Variants in SNED1 observed in about 807,000 individuals in gnomAD.
The protein encoded by SNED1 is sushi, nidogen and EGF like domains 1.
A neutral mutation model predicts 166.7 loss-of-function variants in SNED1; 81 were observed. The ratio of observed to expected loss-of-function variants is 0.49; its 90% CI spans 0.41 to 0.58. The LOEUF is 0.58. Among genes scored for constraint, SNED1 ranks in the 20% least tolerant of loss-of-function variants. The pLI is 0.00. For synonymous variants in SNED1, 762 were observed against 822.0 expected, an observed-to-expected ratio of 0.93 and a Z score of 1.25; for missense variants, 1,604 against 2,000.2, an observed-to-expected ratio of 0.80 and a Z score of 3.78.
intron 8 of SNED1, among the ~76,000 whole-genome samples, chr2:241,046,353 C>T (rs769489558): frequency 6.6e-6 from 1 of 152,200 alleles, no homozygotes; most frequent in Admixed American, 6.5e-5. Flanking sequence ...AATCCATATA[C>T]AGATGTTTAT....
chr2:241,063,661 C>T lies in SNED1; in HGVS notation c.2446C>T (p.Arg816Trp), dbSNP rs374311632. ...CRNLPGAYVC[R>W]CPAGFVGVHC... is the part of the protein sequence containing the mutation. ...GAACCTCCCAGGGGCCTATGTCTGC[C>T]GGTGCCCTGCAGGCTTCGTTGGAGT... Residue 816 changes from arginine (R) to tryptophan (W), a missense_variant, in exon 18 of 32, where the codon CGG becomes TGG. Arg to Trp is a moderately radical substitution (Grantham distance 101). Around this residue, in one of 2 missense-constraint regions of SNED1, gnomAD observed 1,237 missense variants for 1,620.8 expected, o/e 0.76. Transcript: ENST00000310397. 218 of 1,611,942 alleles carry T rather than the reference C, an allele frequency of 1.4e-4. No individual in the cohort carries two copies. Among genetic ancestry groups the T allele is most frequent in the Middle Eastern group, 1.6e-4 (1 of 6,076 alleles).
chr2:241,009,504 G>A (rs906526628), intron 1 of SNED1, among the ~76,000 whole-genome samples: 3 of 152,166 alleles, frequency 2.0e-5, no homozygotes, highest in Non-Finnish European at 4.4e-5. Context: ...GGCTGGTGGA[G>A]AGGGAGAGGC....
intron 1 of SNED1, among the ~76,000 whole-genome samples, chr2:241,026,220 G>C (rs1357929747): frequency 6.6e-6 from 1 of 152,012 alleles, no homozygotes; most frequent in African/African-American, 2.4e-5. Context: ...GTTTCACCAT[G>C]TTGGTCAGGC....
intron 2 of SNED1, among the ~76,000 whole-genome samples, chr2:241,032,488 G>A (rs1220672769): frequency 6.7e-6 from 1 of 149,610 alleles, no homozygotes; most frequent in Non-Finnish European, 1.5e-5. Flanking sequence ...CTGTCGTGGG[G>A]TGGGGGGGTC....
chr2:241,089,010 G>T, intron 31 of SNED1: 1 of 308,110 alleles, frequency 3.2e-6, no homozygotes, highest in East Asian at 6.4e-5. Flanking sequence ...ACTTCCTCTC[G>T]CCTTTGTTTA....
rs1171480326 is a variant in SNED1, at chr2:241,062,779, C to T, written c.2258-12C>T. ...GGCCACATTGCTTTATTCTTGGGCT[C>T]TCTCCTCTCAGAAATCGATGAGTGC... On this transcript the variant is annotated splice_polypyrimidine_tract_variant and intron_variant, in intron 16 of 31. Transcript: ENST00000310397. 1.3e-6 allele frequency: 2 copies of T among 1,590,642 alleles called. No homozygotes were observed. Among genetic ancestry groups the T allele is most frequent in the East Asian group, 4.5e-5 (2 of 44,420 alleles).
chr2:241,090,500 AATT>A (rs1297789876), intron 31 of SNED1: 5 of 1,485,746 alleles, frequency 3.4e-6, no homozygotes, highest in Admixed American at 4.2e-5. Context: ...TAACATCACA[AATT>A]ATCATCAAGT....
In SNED1 at chr2:241,082,450, C is replaced by T. The variant is rs527609639; in HGVS notation, c.4121+86C>T. 33 of 988,906 alleles carry T rather than the reference C, an allele frequency of 3.3e-5. No homozygotes were observed. The African/African-American group carries it at 3.4e-4, about 10-fold the overall frequency. The allele number at this position is 988,906 out of a possible 1,614,324, so 61.3% of individuals were successfully genotyped here. A position where few individuals can be genotyped will look rare whatever the true frequency, so the allele number is the denominator to read the frequency against. ...TGCTGTCTCAAAGCTACCCAGCTAA[C>T]CCTGAGGAGGGACGATGGCTGCAGT... On this transcript the variant is annotated intron_variant, in intron 29 of 31. Coordinates refer to ENST00000310397, the MANE Select transcript of SNED1 (RefSeq NM_001080437.3).
chr2:241,062,924 C>T lies in SNED1; in HGVS notation c.2371+20C>T, dbSNP rs745905350. Reference sequence around the variant, plus strand: ...AGCTGGGTAAGAGGGGCCCTGGCCCCGCTGGGGTGACAGCTGCAGCACACT... The same window carrying T: ...AGCTGGGTAAGAGGGGCCCTGGCCCTGCTGGGGTGACAGCTGCAGCACACT... On this transcript the variant is annotated intron_variant, in intron 17 of 31. Coordinates refer to ENST00000310397, the MANE Select transcript of SNED1 (RefSeq NM_001080437.3). The T allele has an allele frequency of 1.9e-5, 28 of 1,487,258 alleles. No individual in the cohort carries two copies. Among genetic ancestry groups the T allele is most frequent in the East Asian group, 4.7e-5 (2 of 42,668 alleles). 92.1% of individuals were successfully genotyped at this position (1,487,258 alleles called of 1,614,324 possible). A position where few individuals can be genotyped will look rare whatever the true frequency, so the allele number is the denominator to read the frequency against.
upstream of SNED1, among the ~76,000 whole-genome samples, chr2:240,998,288 A>G (rs946550626): frequency 6.6e-6 from 1 of 152,254 alleles, no homozygotes; most frequent in African/African-American, 2.4e-5. Flanking sequence ...CTGCCTGGCC[A>G]GGGTCCCCTC....
chr2:241,090,010 C>T (rs1011084560), intron 31 of SNED1: 9 of 1,548,900 alleles, frequency 5.8e-6, no homozygotes, highest in South Asian at 3.6e-5. Flanking sequence ...AGCTGGAATG[C>T]GCAGGACTGG....
At chr2:241,038,409 G>A (rs1056975757) in intron 6 of SNED1, among the ~76,000 whole-genome samples, 6 of 152,220 alleles carry the variant, frequency 3.9e-5, no homozygotes. Flanking sequence ...TTTTGCACCT[G>A]AAAGTACATT....
chr2:241,071,718 C>T lies in SNED1; in HGVS notation c.3732C>T (p.Pro1244=). ...HSAPETPTQP[P]RFSELVDGRG... is the part of the protein sequence containing the mutation. The stretch of plus-strand genomic sequence containing the variant: ...CCCCCGAGACCCCCACCCAGCCCCC[C>T]AGGTACATGCCCCACCCATCGGCCC... Residue 1244 remains proline (P), a splice_region_variant and synonymous_variant, in exon 25 of 32, where the codon CCC becomes CCT. Coordinates refer to ENST00000310397, the MANE Select transcript of SNED1 (RefSeq NM_001080437.3). 1 of 1,503,692 alleles carries T rather than the reference C, an allele frequency of 6.7e-7. No homozygotes were observed. The highest frequency in any genetic ancestry group is 9.0e-7 in the Non-Finnish European group (1 of 1,112,836). The allele number at this position is 1,503,692 out of a possible 1,614,324, so 93.1% of individuals were successfully genotyped here.
Position 241,051,571 on chromosome 2 carries a change from C to T in SNED1, c.1736-173C>T. On this transcript the variant is annotated intron_variant, in intron 12 of 31. Transcript: ENST00000310397. The surrounding 1 kb of genome is among the most constrained non-coding windows in gnomAD (Gnocchi z 4.7). ...GGTCTCCAGCCTGTGAGCCCCACCC[C>T]AGCCCCCACCATGTGTGCGGACCTG... The T allele has an allele frequency of 4.1e-6, 2 of 483,668 alleles. No homozygotes were observed. The highest frequency in any genetic ancestry group is 4.5e-5 in the South Asian group (1 of 22,020). 30.0% of individuals were successfully genotyped at this position (483,668 alleles called of 1,614,324 possible).
intron 1 of SNED1, among the ~76,000 whole-genome samples, chr2:241,004,911 C>T (rs1364914648): frequency 1.3e-5 from 2 of 151,968 alleles, no homozygotes; most frequent in African/African-American, 2.4e-5. Flanking sequence ...TTAGTAGAGA[C>T]GGGGTTTCAC....
At chr2:241,034,068 A>G (rs1208965386) in intron 3 of SNED1, among the ~76,000 whole-genome samples, 193 bp downstream of exon 3, 1 of 152,118 alleles carries the variant, frequency 6.6e-6, no homozygotes, top group Non-Finnish European at 1.5e-5. Flanking sequence ...TCAGGCCCAA[A>G]GGCACCTTTG....
intron 2 of SNED1, 50 bp from the exon 3 acceptor site, chr2:241,033,685 C>T (rs1424700728): frequency 2.5e-6 from 4 of 1,572,938 alleles, no homozygotes; most frequent in South Asian, 1.2e-5. Context: ...GCAGGGCTTC[C>T]CTGGGCCAAG....
intron 18 of SNED1, 87 bp downstream of exon 18, chr2:241,063,787 C>A: frequency 9.9e-7 from 1 of 1,014,382 alleles, no homozygotes; most frequent in Non-Finnish European, 1.4e-6. Flanking sequence ...ACATTCCCTG[C>A]TGGGCAGGCC....
intron 1 of SNED1, among the ~76,000 whole-genome samples, chr2:241,009,195 A>G (rs1311366279): frequency 6.6e-6 from 1 of 152,186 alleles, no homozygotes; most frequent in African/African-American, 2.4e-5. Flanking sequence ...TGGCCACTGC[A>G]GAGATGCAGG....
Sources: allele counts gnomAD v4.1 joint callset (sites outside exome capture counted in the v4.1 genomes callset), GRCh38; gene constraint gnomAD v4.1.1; regional missense constraint gnomAD v4.1.1; non-coding constraint Gnocchi (gnomAD v3.1); transcripts MANE v1.5; gene names NCBI Gene and HGNC (gene_info 2026-07-23, HGNC 2026-07-21).